The following HTR1F variants were observed in gnomAD, a reference collection of about 807,000 sequenced individuals.
HTR1F encodes 5-hydroxytryptamine receptor 1F.
HTR1F carries 17 observed loss-of-function variants against 24.0 expected under a neutral mutation model. The ratio of observed to expected loss-of-function variants is 0.71; its 90% confidence interval spans 0.48 to 1.06. The LOEUF is 1.06. Among genes scored for constraint, HTR1F ranks in the 50% least tolerant of loss-of-function variants. The probability of loss-of-function intolerance (pLI) is 0.00; values close to 1 mark genes in which losing one functional copy is unlikely to be tolerated. For missense variants in HTR1F, 391 were observed against 427.8 expected, an observed-to-expected ratio of 0.91 and a Z score of 0.76; for synonymous variants, 186 against 156.8, an observed-to-expected ratio of 1.19 and a Z score of -1.39.
At chr3:87,987,449 C>A (rs1028662186) in intron 2 of HTR1F, among the ~76,000 whole-genome samples, 4 of 151,022 alleles carry the variant, frequency 2.6e-5, no homozygotes, top group African/African-American at 9.7e-5. Flanking sequence ...CCTAAGCACA[C>A]CATTACATCA....
intron 2 of HTR1F, among the ~76,000 whole-genome samples, chr3:87,976,464 T>A (rs1705396752): frequency 6.6e-6 from 1 of 152,084 alleles, no homozygotes; most frequent in Non-Finnish European, 1.5e-5. Context: ...GGAGTTCAAG[T>A]CAAGTCTGGG....
At chr3:87,948,488 C>CA (rs1451329025) in intron 2 of HTR1F, among the ~76,000 whole-genome samples, 1 of 147,018 alleles carries the variant, frequency 6.8e-6, no homozygotes, top group Non-Finnish European at 1.5e-5. Flanking sequence ...TTTTTATATG[C>CA]TTTTTTTTTT....
At chr3:87,834,029 T>C (rs1704635242) in intron 2 of HTR1F, among the ~76,000 whole-genome samples, 1 of 152,216 alleles carries the variant, frequency 6.6e-6, no homozygotes, top group Non-Finnish European at 1.5e-5. Context: ...CATTTTGTGT[T>C]ATACATGGCA....
At chr3:87,913,967 A>G (rs910788096) in intron 2 of HTR1F, among the ~76,000 whole-genome samples, 1 of 152,162 alleles carries the variant, frequency 6.6e-6, no homozygotes, top group African/African-American at 2.4e-5. Flanking sequence ...GGAATAAATC[A>G]GGAAACCTGA....
chr3:87,989,768 G>A (rs528246767), intron 2 of HTR1F, among the ~76,000 whole-genome samples: 10 of 152,216 alleles, frequency 6.6e-5, no homozygotes, highest in African/African-American at 2.4e-5. Flanking sequence ...ACCAAACCGA[G>A]GGTCAGGCTG....
chr3:87,991,738 AT>A lies in HTR1F; in HGVS notation c.995del (p.Leu332TrpfsTer11). 6.2e-7 allele frequency: 1 copy of A among 1,613,880 alleles called. No individual in the cohort carries two copies. The highest frequency in any genetic ancestry group is 1.3e-5 in the African/African-American group (1 of 75,048). On this transcript the variant is annotated frameshift_variant, in exon 3 of 3. Transcript: ENST00000319595. LOFTEE classifies it high-confidence loss of function. ...DKCKISEEMS[N>X]FLAWLGYLNS... ...TGTAAAATTTCTGAAGAAATGTCCA[AT>A]TTTTTGGCATGGCTTGGGTATCTCA...
At chr3:87,938,961 C>A (rs1704494307) in intron 2 of HTR1F, among the ~76,000 whole-genome samples, 1 of 152,142 alleles carries the variant, frequency 6.6e-6, no homozygotes, top group Non-Finnish European at 1.5e-5. Flanking sequence ...AGAGCTTCTG[C>A]ACAGCAAAAT....
At chr3:87,833,796 C>T (rs187287267) in intron 2 of HTR1F, among the ~76,000 whole-genome samples, 50 of 152,254 alleles carry the variant, frequency 3.3e-4, no homozygotes, top group Admixed American at 2.4e-3. Flanking sequence ...TAAGCCACCA[C>T]GTGCCCGGCC....
At chr3:87,985,225 C>A (rs1048599891) in intron 2 of HTR1F, among the ~76,000 whole-genome samples, 2 of 151,992 alleles carry the variant, frequency 1.3e-5, no homozygotes, top group African/African-American at 4.8e-5. Flanking sequence ...ATCCCAGCTA[C>A]TCGGGAGGCT....
intron 1 of HTR1F, chr3:87,793,289 A>C (rs1703847517): frequency 1.3e-5 from 2 of 151,690 alleles, no homozygotes; most frequent in South Asian, 4.2e-4. Context: ...GAGTCTTCGA[A>C]TCCATCTCTC....
chr3:87,945,944 G>C (rs1704689850), intron 2 of HTR1F, among the ~76,000 whole-genome samples: 1 of 152,172 alleles, frequency 6.6e-6, no homozygotes, highest in Admixed American at 6.5e-5. Flanking sequence ...ATGGTGGCAA[G>C]CCTCGGGTTC....
chr3:87,980,496 T>G (rs1246810342), intron 2 of HTR1F, among the ~76,000 whole-genome samples: 1 of 152,082 alleles, frequency 6.6e-6, no homozygotes, highest in Admixed American at 6.5e-5. Flanking sequence ...CAGCCATGGG[T>G]GGGCCTGGAA....
intron 2 of HTR1F, among the ~76,000 whole-genome samples, chr3:87,906,669 G>T (rs1178079489): frequency 6.6e-6 from 1 of 151,990 alleles, no homozygotes; most frequent in African/African-American, 2.4e-5. Flanking sequence ...TACCCAATGT[G>T]TAGTCTTTTA....
intron 2 of HTR1F, among the ~76,000 whole-genome samples, chr3:87,846,302 C>T (rs1287947303): frequency 6.6e-6 from 1 of 151,738 alleles, no homozygotes; most frequent in Non-Finnish European, 1.5e-5. Flanking sequence ...GGTGTGATGG[C>T]AAGCACCTGT....
chr3:87,991,851 T>A lies in HTR1F; in HGVS notation c.*1T>A. The A allele has an allele frequency of 1.3e-6, 2 of 1,553,246 alleles. No individual in the cohort carries two copies. Among genetic ancestry groups the A allele is most frequent in the Non-Finnish European group, 8.7e-7 (1 of 1,152,480 alleles). On this transcript the variant is annotated 3_prime_UTR_variant, in exon 3 of 3. Coordinates refer to ENST00000319595, the MANE Select transcript of HTR1F (RefSeq NM_001322209.2). ...AAAGCTTGTGCGATGTCGATGTTAG[T>A]TTTAAAAATGTTTATTATTGAAGGA...
At chr3:87,947,186 CAT>C (rs1044589408) in intron 2 of HTR1F, among the ~76,000 whole-genome samples, 13 of 152,138 alleles carry the variant, frequency 8.5e-5, no homozygotes, top group Non-Finnish European at 1.3e-4. Flanking sequence ...TTAATGCTAT[CAT>C]AATATTTTCT....
At chr3:87,959,676 G>T (rs112768336) in intron 2 of HTR1F, among the ~76,000 whole-genome samples, 3,203 of 151,652 alleles carry the variant, frequency 0.021, 98 homozygotes, top group African/African-American at 0.073. Context: ...TTAAGATGTT[G>T]ACTTAGGGAT....
At chr3:87,938,653 A>G (rs1360866382) in intron 2 of HTR1F, among the ~76,000 whole-genome samples, 3 of 152,176 alleles carry the variant, frequency 2.0e-5, no homozygotes, top group Non-Finnish European at 2.9e-5. Context: ...AGACCATCTA[A>G]TATTTAACAA....
intron 2 of HTR1F, among the ~76,000 whole-genome samples, chr3:87,902,762 C>G (rs1258862060): frequency 8.4e-6 from 1 of 118,456 alleles, no homozygotes; most frequent in East Asian, 2.7e-4. Context: ...CCCCACCCCA[C>G]AACAGTCCCC....
Sources: gnomAD v4.1 joint callset for allele counts (sites outside exome capture counted in the v4.1 genomes callset) on GRCh38, gnomAD v4.1.1 for gene constraint, MANE v1.5 for transcripts, NCBI Gene and HGNC (gene_info 2026-07-23, HGNC 2026-07-21) for gene names.